SENP6: variants seen among roughly 807,000 people sequenced by gnomAD.
The protein encoded by SENP6 is sentrin-specific protease 6.
Under a neutral mutation model 134.5 loss-of-function variants are expected in SENP6, and 41 were observed. The observed-to-expected ratio is 0.30, with a 90% CI of 0.24 to 0.40. The LOEUF (loss-of-function observed/expected upper bound fraction) is 0.40. Ranked by LOEUF, SENP6 falls within the 10% of genes least tolerant of loss-of-function variation. The pLI, the probability that SENP6 is intolerant of heterozygous loss-of-function variation, is 1.00. For synonymous variants in SENP6, 395 were observed against 429.8 expected (o/e 0.92, Z 1.00); for missense variants, 1,248 against 1,312.5 (o/e 0.95, Z 0.76).
chr6:75,643,865 G>A (rs1269970822), intron 6 of SENP6, among the ~76,000 whole-genome samples: 1 of 152,038 alleles, frequency 6.6e-6, no homozygotes, highest in Non-Finnish European at 1.5e-5. Flanking sequence ...GTATGTATTT[G>A]GCCATCTTTT....
At chr6:75,616,432 G>A (rs909421312) in intron 1 of SENP6, among the ~76,000 whole-genome samples, 10 of 152,038 alleles carry the variant, frequency 6.6e-5, no homozygotes, top group Non-Finnish European at 1.5e-4. Flanking sequence ...ATATCAATTA[G>A]GGTATGATTG....
intron 16 of SENP6, among the ~76,000 whole-genome samples, chr6:75,694,287 T>A (rs1221363169): frequency 6.6e-6 from 1 of 152,204 alleles, no homozygotes; most frequent in African/African-American, 2.4e-5. Flanking sequence ...CAATGTAAGA[T>A]CACTTTACAG....
chr6:75,602,568 T>C lies in SENP6; in HGVS notation c.44T>C (p.Phe15Ser). The C allele has an allele frequency of 6.4e-7, 1 of 1,551,358 alleles. No homozygotes were observed. Among genetic ancestry groups the C allele is most frequent in the South Asian group, 1.2e-5 (1 of 84,028 alleles). Residue 15 changes from phenylalanine to serine, a missense_variant, in exon 1 of 24, where the codon TTT becomes TCT. Coordinates refer to ENST00000447266, the MANE Select transcript of SENP6 (RefSeq NM_015571.4). ...KSGGSAGEIT[F>S]LEALARSESK... is the part of the protein sequence containing the mutation. ...GGCGGTAGCGCAGGGGAGATTACTTTTCTGGAAGGTACGTCTGTTTCTGCC... is the reference window on the plus strand; with the variant it reads ...GGCGGTAGCGCAGGGGAGATTACTTCTCTGGAAGGTACGTCTGTTTCTGCC...
chr6:75,653,803 A>G (rs1248531576), intron 7 of SENP6, among the ~76,000 whole-genome samples: 2 of 152,202 alleles, frequency 1.3e-5, no homozygotes, highest in Non-Finnish European at 2.9e-5. Context: ...CTCCACGGCT[A>G]GATAGACTAC....
chr6:75,694,564 C>T (rs1582878718), intron 16 of SENP6, among the ~76,000 whole-genome samples: 2 of 152,160 alleles, frequency 1.3e-5, no homozygotes, highest in Admixed American at 1.3e-4. Flanking sequence ...AATCCCTCCT[C>T]CAGGCCTATG....
At chr6:75,690,781 C>T (rs991103354) in intron 16 of SENP6, among the ~76,000 whole-genome samples, 16 of 151,734 alleles carry the variant, frequency 1.1e-4, no homozygotes, top group Non-Finnish European at 1.8e-4. Context: ...CTGCAAGCTC[C>T]GCCTCACGGG....
chr6:75,623,885 T>G lies in SENP6; in HGVS notation c.147-15T>G. 6.3e-7 allele frequency: 1 copy of G among 1,592,960 alleles called. No homozygotes were observed. The highest frequency in any genetic ancestry group is 8.5e-7 in the Non-Finnish European group (1 of 1,169,992). On this transcript the variant is annotated splice_polypyrimidine_tract_variant and intron_variant, in intron 2 of 23. Transcript: ENST00000447266. ...GATTGCTACTTATGTTTTTTTCCCCTTATTTTCTGTGTAGTGGGACAAATC... is the reference window on the plus strand; with the variant it reads ...GATTGCTACTTATGTTTTTTTCCCCGTATTTTCTGTGTAGTGGGACAAATC...
At chr6:75,690,929 C>T (rs1774198465) in intron 16 of SENP6, among the ~76,000 whole-genome samples, 1 of 151,734 alleles carries the variant, frequency 6.6e-6, no homozygotes, top group Non-Finnish European at 1.5e-5. Flanking sequence ...AACTTCTGTC[C>T]TCAAGTGATC....
intron 9 of SENP6, among the ~76,000 whole-genome samples, chr6:75,664,374 A>G (rs924625143): frequency 9.9e-5 from 15 of 151,914 alleles, no homozygotes; most frequent in African/African-American, 2.4e-4. Context: ...TAAAAAATCT[A>G]TATACATGTA....
chr6:75,637,253 G>T (rs1250656383), intron 5 of SENP6, among the ~76,000 whole-genome samples: 3 of 152,000 alleles, frequency 2.0e-5, no homozygotes, highest in African/African-American at 7.3e-5. Flanking sequence ...TGGGGTGAGT[G>T]GTATATCTTG....
At chr6:75,668,264 A>C (rs774739886) in intron 10 of SENP6, among the ~76,000 whole-genome samples, 1 of 152,136 alleles carries the variant, frequency 6.6e-6, no homozygotes, top group South Asian at 2.1e-4. Flanking sequence ...CCTTTCCCAC[A>C]TGGTAGCACG....
Position 75,670,728 on chromosome 6 carries a change from C to A in SENP6, c.1392+8C>A, listed in dbSNP as rs1018516144. On this transcript the variant is annotated splice_region_variant and intron_variant, in intron 11 of 23. Coordinates refer to ENST00000447266, the MANE Select transcript of SENP6 (RefSeq NM_015571.4). ...TTAATAGAGCCTGTAATTGTAAGTA[C>A]ATCTTAAGCTCTTTACTATACCAAT... is the stretch of plus-strand genomic sequence containing the variant. The A allele has an allele frequency of 6.3e-7, 1 of 1,579,504 alleles. No individual in the cohort carries two copies. The highest frequency in any genetic ancestry group is 8.6e-7 in the Non-Finnish European group (1 of 1,157,574).
chr6:75,685,204 A>C (rs1215333874), intron 16 of SENP6, among the ~76,000 whole-genome samples: 2 of 152,066 alleles, frequency 1.3e-5, no homozygotes, highest in Non-Finnish European at 2.9e-5. Context: ...TTATTCTCTG[A>C]TGGTAGTTTG....
chr6:75,672,097 T>C (rs1388115465), intron 11 of SENP6, among the ~76,000 whole-genome samples: 2 of 152,230 alleles, frequency 1.3e-5, no homozygotes, highest in African/African-American at 4.8e-5. Context: ...GAAATTTGTG[T>C]TTTGTTACAG....
intron 23 of SENP6, among the ~76,000 whole-genome samples, chr6:75,714,322 T>C (rs957533531): frequency 3.3e-5 from 5 of 152,214 alleles, no homozygotes; most frequent in African/African-American, 4.8e-5. Flanking sequence ...ACTTCAGAGG[T>C]ACAGTACCAC....
intron 9 of SENP6, among the ~76,000 whole-genome samples, chr6:75,666,306 C>T (rs1772240368): frequency 6.8e-6 from 1 of 147,824 alleles, no homozygotes; most frequent in South Asian, 2.1e-4. Flanking sequence ...CATGGAGTTT[C>T]ACACATATTT....
intron 1 of SENP6, among the ~76,000 whole-genome samples, chr6:75,614,468 A>G (rs752758532): frequency 4.5e-4 from 69 of 152,050 alleles, no homozygotes; most frequent in Non-Finnish European, 6.2e-4. Context: ...GGGAATTACC[A>G]TATTGGCCAG....
intron 10 of SENP6, 50 bp from the exon 11 acceptor site, chr6:75,670,503 C>G (rs1772584342): frequency 7.3e-7 from 1 of 1,378,214 alleles, no homozygotes; most frequent in Admixed American, 1.9e-5. Context: ...ACTTAGCTTG[C>G]AGCCTTATTT....
At chr6:75,659,207 A>C (rs2149860780) in intron 7 of SENP6, 55 bp from the exon 8 acceptor site, 1 of 1,333,554 alleles carries the variant, frequency 7.5e-7, no homozygotes, top group South Asian at 1.3e-5. Context: ...TTTTTGCTGA[A>C]ACACTAGCTT....
Sources: gnomAD v4.1 joint callset for allele counts (sites outside exome capture counted in the v4.1 genomes callset) on GRCh38, gnomAD v4.1.1 for gene constraint, MANE v1.5 for transcripts, NCBI Gene and HGNC (gene_info 2026-07-23, HGNC 2026-07-21) for gene names.